The following KYNU variants were observed in gnomAD, a reference collection of about 807,000 sequenced individuals.
The protein encoded by KYNU is L-kynurenine hydrolase.
KYNU carries 54 observed loss-of-function variants against 59.2 expected under a neutral mutation model. The ratio of observed to expected loss-of-function variants is 0.91; its 90% CI spans 0.73 to 1.14. The LOEUF (loss-of-function observed/expected upper bound fraction) is 1.14. Ranked by LOEUF, KYNU falls within the 50% of genes most tolerant of loss-of-function variation. KYNU has a pLI of 0.00. For synonymous variants in KYNU, 177 were observed against 192.0 expected (o/e 0.92, Z 0.65); for missense variants, 567 against 554.4 (o/e 1.02, Z -0.23).
chr2:143,030,749 T>G (rs368153401), intron 11 of KYNU, among the ~76,000 whole-genome samples: 31 of 151,574 alleles, frequency 2.0e-4, no homozygotes, highest in East Asian at 7.7e-4. Context: ...GCTCTTTGAC[T>G]TACAATGGGG....
At chr2:142,904,231 T>C (rs1682206051) in intron 2 of KYNU, among the ~76,000 whole-genome samples, 1 of 152,208 alleles carries the variant, frequency 6.6e-6, no homozygotes, top group Admixed American at 6.5e-5. Context: ...TTCCTTTCCT[T>C]GTGTTATAGT....
intron 2 of KYNU, among the ~76,000 whole-genome samples, chr2:142,907,220 G>T (rs959637894): frequency 6.6e-6 from 1 of 152,186 alleles, no homozygotes; most frequent in Non-Finnish European, 1.5e-5. Context: ...CAAGCCTTTT[G>T]TTCTCTGACC....
intron 4 of KYNU, among the ~76,000 whole-genome samples, chr2:142,929,359 C>CAAAAAAAA (rs5834929): frequency 9.4e-6 from 1 of 106,450 alleles, no homozygotes; most frequent in Non-Finnish European, 2.0e-5. Context: ...TTGCCTTTCT[C>CAAAAAAAA]AAAAAAAAAA....
intron 2 of KYNU, among the ~76,000 whole-genome samples, chr2:142,893,737 T>A (rs974481004): frequency 6.6e-6 from 1 of 152,306 alleles, no homozygotes; most frequent in Non-Finnish European, 1.5e-5. Flanking sequence ...ATGCTGGATC[T>A]GTTGTCTATT....
intron 10 of KYNU, among the ~76,000 whole-genome samples, chr2:142,992,614 G>T (rs898464629): frequency 6.6e-6 from 1 of 151,656 alleles, no homozygotes; most frequent in Non-Finnish European, 1.5e-5. Context: ...GGATATGTCT[G>T]TATATGTGTG....
intron 12 of KYNU, among the ~76,000 whole-genome samples, chr2:143,033,595 C>T (rs564140597): frequency 1.3e-5 from 2 of 152,316 alleles, no homozygotes; most frequent in East Asian, 3.9e-4. Flanking sequence ...GTTTTTTACT[C>T]CACTTAGAAT....
At chr2:142,896,641 G>A (rs1389606735) in intron 2 of KYNU, among the ~76,000 whole-genome samples, 1 of 151,888 alleles carries the variant, frequency 6.6e-6, no homozygotes, top group Non-Finnish European at 1.5e-5. Flanking sequence ...TGACCTTCTT[G>A]GGCTCAAGCA....
intron 10 of KYNU, among the ~76,000 whole-genome samples, chr2:142,998,347 G>A (rs568364203): frequency 6.6e-6 from 1 of 152,180 alleles, no homozygotes; most frequent in African/African-American, 2.4e-5. Context: ...TGCTTTTTAA[G>A]AATCCAAGAT....
chr2:142,999,258 C>G (rs1010651831), intron 10 of KYNU, among the ~76,000 whole-genome samples: 3 of 152,032 alleles, frequency 2.0e-5, no homozygotes, highest in African/African-American at 7.2e-5. Flanking sequence ...GAATCTTAGA[C>G]TATTTATCAA....
intron 10 of KYNU, among the ~76,000 whole-genome samples, chr2:143,024,578 T>C (rs1029780226): frequency 2.0e-5 from 3 of 152,080 alleles, no homozygotes; most frequent in South Asian, 2.1e-4. Context: ...TTAGTCTCTG[T>C]CATTGAATGG....
Position 143,053,184 on chromosome 2 carries a change from C to G in KYNU, c.*11012C>G, listed in dbSNP as rs1441285405. On this transcript the variant is annotated 3_prime_UTR_variant, in exon 14 of 14. Transcript: ENST00000264170. The stretch of plus-strand genomic sequence containing the variant: ...TGTATTTACCCAATGCCTGTATCCC[C>G]ATTGTATCTAGGAAGTAACTAACTT... 6.6e-6 allele frequency: 1 copy of G among 152,272 alleles called. No homozygotes were observed. The highest frequency in any genetic ancestry group is 1.9e-4 in the East Asian group (1 of 5,202). The allele number at this position is 152,272 out of a possible 1,614,324, so 9.4% of individuals were successfully genotyped here.
rs369508996 is a variant in KYNU, at chr2:142,881,785, C to G, written c.-19-3564C>G. ...TTTTAAACAGTCATGCTCTGTTGCC[C>G]AGGATGGAGTGCAGTGGCACAATTA... On this transcript the variant is annotated intron_variant, in intron 1 of 13. Coordinates refer to ENST00000264170, the MANE Select transcript of KYNU (RefSeq NM_003937.3). Among the ~76,000 whole-genome samples, 8 of 152,134 alleles carry G rather than the reference C, an allele frequency of 5.3e-5. No individual in the cohort carries two copies. In the East Asian group the frequency reaches 7.7e-4, roughly 15 times the overall value.
At chr2:142,939,641 G>C (rs1226393473) in intron 4 of KYNU, among the ~76,000 whole-genome samples, 6 of 128,112 alleles carry the variant, frequency 4.7e-5, no homozygotes, top group Admixed American at 7.9e-5. Context: ...AAAAAGAAAA[G>C]ATAACAGATT....
chr2:143,039,380 A>G (rs1251978241), intron 12 of KYNU, among the ~76,000 whole-genome samples: 3 of 152,178 alleles, frequency 2.0e-5, no homozygotes, highest in Non-Finnish European at 2.9e-5. Flanking sequence ...GGATAAACAA[A>G]CTTTACATCA....
chr2:143,016,023 C>G (rs879833278), intron 10 of KYNU, among the ~76,000 whole-genome samples: 1 of 152,180 alleles, frequency 6.6e-6, no homozygotes, highest in Non-Finnish European at 1.5e-5. Flanking sequence ...CCAGACTGTT[C>G]AAAATCTGTC....
chr2:143,041,403 A>C (rs1217941150), intron 13 of KYNU, among the ~76,000 whole-genome samples: 1 of 152,062 alleles, frequency 6.6e-6, no homozygotes, highest in Non-Finnish European at 1.5e-5. Flanking sequence ...TGGAAAGTTC[A>C]TTAGGATCTA....
At chr2:142,923,046 G>C (rs351712) in intron 3 of KYNU, among the ~76,000 whole-genome samples, 1 of 152,112 alleles carries the variant, frequency 6.6e-6, no homozygotes, top group Non-Finnish European at 1.5e-5. Flanking sequence ...TTTTACAAGG[G>C]TACTAATCCC....
intron 10 of KYNU, among the ~76,000 whole-genome samples, chr2:142,988,326 C>A (rs1685284354): frequency 6.6e-6 from 1 of 151,836 alleles, no homozygotes; most frequent in South Asian, 2.1e-4. Context: ...TTCTCTTAAG[C>A]AGAAAATATA....
At chr2:142,975,556 A>G (rs1318097473) in intron 8 of KYNU, among the ~76,000 whole-genome samples, 1 of 151,934 alleles carries the variant, frequency 6.6e-6, no homozygotes, top group Non-Finnish European at 1.5e-5. Flanking sequence ...ATTGTAACAT[A>G]CCCCTAGATG....
Sources: gnomAD v4.1 joint callset for allele counts (sites outside exome capture counted in the v4.1 genomes callset) on GRCh38, gnomAD v4.1.1 for gene constraint, MANE v1.5 for transcripts, NCBI Gene and HGNC (gene_info 2026-07-23, HGNC 2026-07-21) for gene names.